Variants in SGCD observed in about 807,000 individuals in gnomAD.
SGCD encodes delta-sarcoglycan.
In SGCD, 18 loss-of-function variants were observed where a neutral mutation model predicts 36.6. That is an observed-to-expected ratio of 0.49 (90% confidence interval 0.34 to 0.73). The LOEUF is 0.73. Ranked by LOEUF, SGCD falls within the 30% of genes least tolerant of loss-of-function variation. The pLI is 0.01. For missense variants in SGCD, 387 were observed against 346.7 expected (o/e 1.12, Z -0.92); for synonymous variants, 133 against 130.6 (o/e 1.02, Z -0.12).
chr5:156,410,334 T>C (rs1772671193), intron 3 of SGCD, among the ~76,000 whole-genome samples: 1 of 151,644 alleles, frequency 6.6e-6, no homozygotes, highest in Non-Finnish European at 1.5e-5. Context: ...GAGCTAAGCA[T>C]TGGGTACACG....
chr5:156,682,435 G>GA (rs1003317966), intron 7 of SGCD, among the ~76,000 whole-genome samples: 2 of 152,106 alleles, frequency 1.3e-5, no homozygotes, highest in Non-Finnish European at 2.9e-5. Flanking sequence ...AAATTATGTG[G>GA]AAAAAAACTT....
Position 156,372,363 on chromosome 5 carries a change from A to T in SGCD, c.192+27686A>T, listed in dbSNP as rs553030095. 3.3e-4 allele frequency among the ~76,000 whole-genome samples: 51 copies of T among 152,250 alleles called. No individual in the cohort carries two copies. The South Asian group carries it at 8.3e-3, about 25-fold the overall frequency. ...TCACAGATATGTGATGCAATAAGAG[A>T]TGGCCTGTAGTCATCAACAATGGGT... On this transcript the variant is annotated intron_variant, in intron 3 of 8. Coordinates refer to ENST00000337851, the MANE Select transcript of SGCD (RefSeq NM_000337.6).
chr5:156,236,596 C>G (rs545959352), intron 3 of SGCD, among the ~76,000 whole-genome samples: 1 of 150,704 alleles, frequency 6.6e-6, no homozygotes, highest in African/African-American at 2.4e-5. Context: ...ACTACAGGCA[C>G]CTGCCACCAC....
chr5:155,937,729 A>G (rs1561656017), intron 1 of SGCD, among the ~76,000 whole-genome samples: 1 of 152,218 alleles, frequency 6.6e-6, no homozygotes, highest in Non-Finnish European at 1.5e-5. Flanking sequence ...ATGGGCATTA[A>G]GTTGAGAAGC....
chr5:156,703,614 G>T (rs1407832742), intron 7 of SGCD, among the ~76,000 whole-genome samples: 1 of 152,086 alleles, frequency 6.6e-6, no homozygotes, highest in African/African-American at 2.4e-5. Flanking sequence ...ACTAAGAAAT[G>T]AATCATTTAT....
At position 156,698,840 on chromosome 5, in the gene SGCD, T is replaced by TACACACACACAC. The variant is rs150929203; in HGVS notation, c.575+51334_575+51345dup. 2.7e-3 allele frequency among the ~76,000 whole-genome samples: 385 copies of TACACACACACAC among 140,076 alleles called. 2 individuals carry two copies. Among genetic ancestry groups the TACACACACACAC allele is most frequent in the African/African-American group, 8.9e-3 (341 of 38,430 alleles). 91.9% of individuals were successfully genotyped at this position (140,076 alleles called of 152,430 possible). A position where few individuals can be genotyped will look rare whatever the true frequency, so the allele number is the denominator to read the frequency against. The stretch of plus-strand genomic sequence containing the variant: ...TTATATTTTGAAAACTAAATTAAAA[T>TACACACACACAC]ACACACACACACACACACACACACA... On this transcript the variant is annotated intron_variant, in intron 7 of 8. Transcript: ENST00000337851.
chr5:156,307,675 C>T lies in SGCD; in HGVS notation c.-43-21859C>T, dbSNP rs184227818. The stretch of plus-strand genomic sequence containing the variant: ...GATTTCTTTCTCATTTCATGTTATT[C>T]TTTAACTATTTTGTTTATAGTTACC... On this transcript the variant is annotated intron_variant, in intron 3 of 9. Transcript: ENST00000517913. 1.0e-4 allele frequency among the ~76,000 whole-genome samples: 14 copies of T among 140,140 alleles called. No homozygotes were observed. In the East Asian group the frequency reaches 3.1e-3, roughly 31 times the overall value. The allele number at this position is 140,140 out of a possible 152,430, so 91.9% of individuals were successfully genotyped here. A position where few individuals can be genotyped will look rare whatever the true frequency, so the allele number is the denominator to read the frequency against.
At chr5:156,078,531 A>G (rs1339737013) in intron 1 of SGCD, among the ~76,000 whole-genome samples, 1 of 143,090 alleles carries the variant, frequency 7.0e-6, no homozygotes, top group Non-Finnish European at 1.5e-5. Flanking sequence ...ATATATATAT[A>G]TATATATTTA....
intron 6 of SGCD, among the ~76,000 whole-genome samples, chr5:156,607,726 T>C (rs1761543118): frequency 6.6e-6 from 1 of 152,140 alleles, no homozygotes; most frequent in Non-Finnish European, 1.5e-5. Flanking sequence ...TTTCAGAGCC[T>C]GTTATTGGTC....
intron 1 of SGCD, among the ~76,000 whole-genome samples, chr5:156,014,321 A>G (rs1421829575): frequency 6.6e-6 from 1 of 152,156 alleles, no homozygotes; most frequent in Admixed American, 6.5e-5. Context: ...ATTTTGAAAT[A>G]ATTTTAAACC....
intron 4 of SGCD, among the ~76,000 whole-genome samples, chr5:156,514,436 G>A (rs1265952497): frequency 4.6e-5 from 7 of 152,194 alleles, no homozygotes; most frequent in African/African-American, 1.7e-4. Context: ...GCCCATTGCT[G>A]TATTGAATTT....
intron 1 of SGCD, among the ~76,000 whole-genome samples, chr5:155,881,295 A>AAAGTAAATAAATAAAT (rs1755877890): frequency 6.9e-6 from 1 of 145,516 alleles, no homozygotes; most frequent in Non-Finnish European, 1.5e-5. Flanking sequence ...ACCTCACCAC[A>AAAGTAAATAAATAAAT]AAATAAATAA....
intron 1 of SGCD, among the ~76,000 whole-genome samples, chr5:156,102,807 T>C (rs1403908124): frequency 2.0e-5 from 3 of 152,290 alleles, no homozygotes; most frequent in Admixed American, 1.3e-4. Context: ...TGAAAACCTA[T>C]GATTGGGTGT....
chr5:155,921,168 C>T (rs1209623830), intron 1 of SGCD, among the ~76,000 whole-genome samples: 1 of 152,008 alleles, frequency 6.6e-6, no homozygotes, highest in Non-Finnish European at 1.5e-5. Context: ...TAACAGTGTC[C>T]AGTGTTGCAG....
At chr5:156,264,788 G>A (rs1204400240) in intron 3 of SGCD, among the ~76,000 whole-genome samples, 1 of 152,082 alleles carries the variant, frequency 6.6e-6, no homozygotes, top group African/African-American at 2.4e-5. Context: ...CATGTAACAA[G>A]GTAGAGGATT....
At position 155,879,958 on chromosome 5, in the gene SGCD, G is replaced by A. The variant is rs1755847437; in HGVS notation, c.-282+9534G>A. Among the ~76,000 whole-genome samples the A allele has an allele frequency of 5.3e-5, 8 of 152,090 alleles. No individual in the cohort carries two copies. The South Asian group carries it at 1.7e-3, about 32-fold the overall frequency. On this transcript the variant is annotated intron_variant, in intron 1 of 9. Transcript: ENST00000517913. ...CAAAAAGATTTTATTGTTATTTTTT[G>A]TTTCTGTGTTCCAGCTGAAGAAGCT...
At chr5:155,928,693 T>TA (rs1554104917) in intron 1 of SGCD, among the ~76,000 whole-genome samples, 4 of 36,602 alleles carry the variant, frequency 1.1e-4, no homozygotes, top group South Asian at 1.5e-3. Context: ...AAAAAAGAGG[T>TA]AAAAAAAATA....
At chr5:156,714,989 C>T (rs1483684978) in intron 7 of SGCD, among the ~76,000 whole-genome samples, 1 of 152,094 alleles carries the variant, frequency 6.6e-6, no homozygotes, top group African/African-American at 2.4e-5. Context: ...ACTGGAGAAA[C>T]AGAGATTGTA....
chr5:156,119,188 C>A (rs548836729), intron 2 of SGCD, among the ~76,000 whole-genome samples: 1 of 152,192 alleles, frequency 6.6e-6, no homozygotes, highest in Non-Finnish European at 1.5e-5. Flanking sequence ...TTCAGTTAGA[C>A]TATTAGGAGA....
Sources: gnomAD v4.1 joint callset for allele counts (sites outside exome capture counted in the v4.1 genomes callset) on GRCh38, gnomAD v4.1.1 for gene constraint, MANE v1.5 for transcripts, NCBI Gene and HGNC (gene_info 2026-07-23, HGNC 2026-07-21) for gene names.